The following PAPSS1 variants were observed in gnomAD, a reference collection of about 807,000 sequenced individuals.
PAPSS1 encodes the protein bifunctional 3'-phosphoadenosine 5'-phosphosulfate synthase 1.
In PAPSS1, 50 loss-of-function variants were observed where a neutral mutation model predicts 72.0. The ratio of observed to expected loss-of-function variants is 0.69; its 90% CI spans 0.55 to 0.88. PAPSS1 has a LOEUF of 0.88. Ranked by LOEUF, PAPSS1 falls within the 40% of genes least tolerant of loss-of-function variation. The pLI, the probability that PAPSS1 is intolerant of heterozygous loss-of-function variation, is 0.00. For missense variants in PAPSS1, 657 were observed against 782.2 expected, an observed-to-expected ratio of 0.84 and a Z score of 1.91; for synonymous variants, 261 against 263.6, an observed-to-expected ratio of 0.99 and a Z score of 0.09.
At chr4:107,700,385 A>G (rs755139826) in intron 2 of PAPSS1, among the ~76,000 whole-genome samples, 2 of 152,192 alleles carry the variant, frequency 1.3e-5, no homozygotes, top group Non-Finnish European at 2.9e-5. Flanking sequence ...CAATTCAGTC[A>G]CTCACCAGCC....
At chr4:107,663,568 C>T (rs555420869) in intron 5 of PAPSS1, among the ~76,000 whole-genome samples, 2 of 152,192 alleles carry the variant, frequency 1.3e-5, no homozygotes, top group Non-Finnish European at 2.9e-5. Flanking sequence ...GCAGAAGAAA[C>T]TACTGCTATC....
rs567782017 is a variant in PAPSS1, at chr4:107,618,469, T to C, written c.1737-4082A>G. 3.9e-4 allele frequency among the ~76,000 whole-genome samples: 57 copies of C among 147,532 alleles called. 1 individual carries two copies. The highest frequency in any genetic ancestry group is 6.3e-4 in the Non-Finnish European group (42 of 67,076). ...GAATGAGAAAGGGGAGGAGGATGAG[T>C]GCCAGGAGAAGAAACAAGAGAAACA... On this transcript the variant is annotated intron_variant, in intron 11 of 11. Coordinates refer to ENST00000265174, the MANE Select transcript of PAPSS1 (RefSeq NM_005443.5).
At chr4:107,661,807 G>T (rs1727189344) in intron 5 of PAPSS1, among the ~76,000 whole-genome samples, 1 of 151,962 alleles carries the variant, frequency 6.6e-6, no homozygotes, top group Non-Finnish European at 1.5e-5. Context: ...GACATGTTCA[G>T]TAGAAAAAAA....
intron 3 of PAPSS1, among the ~76,000 whole-genome samples, chr4:107,689,081 T>G (rs1722855912): frequency 6.6e-6 from 1 of 152,196 alleles, no homozygotes; most frequent in Admixed American, 6.5e-5. Flanking sequence ...ACTTCTCTTG[T>G]CTGAACGGCC....
intron 5 of PAPSS1, among the ~76,000 whole-genome samples, chr4:107,662,072 TAAAC>T (rs940133982): frequency 3.9e-5 from 6 of 151,976 alleles, no homozygotes; most frequent in Non-Finnish European, 5.9e-5. Flanking sequence ...AATAAATAAA[TAAAC>T]AAGAAGAATA....
intron 3 of PAPSS1, among the ~76,000 whole-genome samples, chr4:107,690,756 T>C (rs980380147): frequency 1.3e-5 from 2 of 152,136 alleles, no homozygotes; most frequent in Non-Finnish European, 2.9e-5. Context: ...CCAAACCTCA[T>C]TATCAGTGCT....
intron 9 of PAPSS1, among the ~76,000 whole-genome samples, chr4:107,648,699 T>G (rs1042336759): frequency 6.6e-6 from 1 of 152,234 alleles, no homozygotes; most frequent in Non-Finnish European, 1.5e-5. Flanking sequence ...CATTTCTGAT[T>G]TTCCTAAATC....
chr4:107,699,069 A>T lies in PAPSS1; in HGVS notation c.175+2102T>A, dbSNP rs1723143927. On this transcript the variant is annotated intron_variant, in intron 2 of 11. Coordinates refer to ENST00000265174, the MANE Select transcript of PAPSS1 (RefSeq NM_005443.5). ...ACCACAGAGCAAGTACCAAAAAATCAGATAAGCTTTATTTATAAGTATCAT... is the reference window on the plus strand; with the variant it reads ...ACCACAGAGCAAGTACCAAAAAATCTGATAAGCTTTATTTATAAGTATCAT... Among the ~76,000 whole-genome samples the T allele has an allele frequency of 1.3e-5, 2 of 152,188 alleles. 1 individual carries two copies. Among genetic ancestry groups the T allele is most frequent in the South Asian group, 4.1e-4 (2 of 4,832 alleles).
intron 5 of PAPSS1, among the ~76,000 whole-genome samples, chr4:107,667,302 C>G (rs1248936393): frequency 1.3e-5 from 2 of 152,176 alleles, no homozygotes; most frequent in Non-Finnish European, 2.9e-5. Flanking sequence ...TCTCTTCCAT[C>G]TGGCTGTTAC....
chr4:107,702,967 C>A (rs1293023321), intron 1 of PAPSS1, among the ~76,000 whole-genome samples: 1 of 152,134 alleles, frequency 6.6e-6, no homozygotes, highest in Non-Finnish European at 1.5e-5. Flanking sequence ...AATATTCCCA[C>A]AATAGCACAC....
intron 11 of PAPSS1, among the ~76,000 whole-genome samples, chr4:107,627,011 T>C (rs570185176): frequency 6.6e-6 from 1 of 152,312 alleles, no homozygotes; most frequent in South Asian, 2.1e-4. Flanking sequence ...CTGATGTAAT[T>C]ATTTAGCTTT....
At chr4:107,704,173 C>A (rs903477777) in intron 1 of PAPSS1, among the ~76,000 whole-genome samples, 2 of 152,152 alleles carry the variant, frequency 1.3e-5, no homozygotes, top group African/African-American at 4.8e-5. Context: ...AAAAACACTA[C>A]TACTTTTCTA....
At position 107,613,936 on chromosome 4, in the gene PAPSS1, T is replaced by C. The variant is rs1725754501; in HGVS notation, c.*313A>G. 5.4e-6 allele frequency: 1 copy of C among 186,652 alleles called. No homozygotes were observed. Among genetic ancestry groups the C allele is most frequent in the Non-Finnish European group, 1.1e-5 (1 of 91,688 alleles). 11.6% of individuals were successfully genotyped at this position (186,652 alleles called of 1,614,324 possible). ...AAGCAAGATTTAATGTGAATACTAC[T>C]GGTTACAACTAATATAACAGCTTGA... On this transcript the variant is annotated 3_prime_UTR_variant, in exon 12 of 12. Transcript: ENST00000265174.
chr4:107,685,179 G>A (rs1560584622), intron 4 of PAPSS1, among the ~76,000 whole-genome samples: 1 of 152,152 alleles, frequency 6.6e-6, no homozygotes, highest in Non-Finnish European at 1.5e-5. Context: ...CCAAAGCATT[G>A]GCAAATGTGT....
intron 10 of PAPSS1, among the ~76,000 whole-genome samples, chr4:107,634,529 T>G (rs1726309131): frequency 6.6e-6 from 1 of 152,114 alleles, no homozygotes. Context: ...ATCATTTTAT[T>G]AAGGTTCAAA....
intron 2 of PAPSS1, among the ~76,000 whole-genome samples, chr4:107,699,541 T>A (rs1281919490): frequency 6.6e-6 from 1 of 151,958 alleles, no homozygotes; most frequent in Non-Finnish European, 1.5e-5. Context: ...ATTATCCACA[T>A]GGAAAAAAAC....
chr4:107,637,821 T>A (rs1726429787), intron 10 of PAPSS1, among the ~76,000 whole-genome samples: 1 of 152,250 alleles, frequency 6.6e-6, no homozygotes, highest in South Asian at 2.1e-4. Context: ...ATAAAAATTC[T>A]TTAGGAAGTC....
chr4:107,679,958 G>A (rs1208627274), intron 5 of PAPSS1, among the ~76,000 whole-genome samples: 3 of 152,062 alleles, frequency 2.0e-5, no homozygotes, highest in African/African-American at 7.2e-5. Flanking sequence ...TTCTTTCTAT[G>A]AGCCTATCAA....
intron 10 of PAPSS1, among the ~76,000 whole-genome samples, chr4:107,635,418 A>C (rs772785048): frequency 6.6e-6 from 1 of 152,228 alleles, no homozygotes; most frequent in Non-Finnish European, 1.5e-5. Context: ...AAAGAATTAA[A>C]GAGAAAAATA....
Sources: gnomAD v4.1 joint callset for allele counts (sites outside exome capture counted in the v4.1 genomes callset) on GRCh38, gnomAD v4.1.1 for gene constraint, MANE v1.5 for transcripts, NCBI Gene and HGNC (gene_info 2026-07-23, HGNC 2026-07-21) for gene names.